Variants in TTC6 observed in about 807,000 individuals in gnomAD.
TTC6 encodes the protein tetratricopeptide repeat domain 6.
TTC6 carries 172 observed loss-of-function variants against 210.4 expected under a neutral mutation model. The ratio of observed to expected loss-of-function variants is 0.82; its 90% CI spans 0.72 to 0.93. TTC6 has a LOEUF of 0.93. Ranked by LOEUF, TTC6 falls within the 40% of genes least tolerant of loss-of-function variation. The probability of loss-of-function intolerance (pLI) is 0.00; values close to 1 mark genes in which losing one functional copy is unlikely to be tolerated. For missense variants in TTC6, 2,414 were observed against 2,318.1 expected (o/e 1.04, Z -0.85); for synonymous variants, 804 against 819.6 (o/e 0.98, Z 0.32).
chr14:37,768,347 G>T (rs2096006144), intron 14 of TTC6, among the ~76,000 whole-genome samples: 1 of 151,568 alleles, frequency 6.6e-6, no homozygotes, highest in African/African-American at 2.4e-5. Context: ...GAAAGTCATT[G>T]GTAGCTTGAT....
chr14:37,734,369 C>G (rs1185272121), intron 7 of TTC6, among the ~76,000 whole-genome samples: 1 of 152,056 alleles, frequency 6.6e-6, no homozygotes, highest in Non-Finnish European at 1.5e-5. Context: ...CACCCTTGCC[C>G]CAAGAAATTG....
intron 2 of TTC6, among the ~76,000 whole-genome samples, chr14:37,615,558 T>G (rs914902437): frequency 3.3e-5 from 5 of 152,108 alleles, no homozygotes; most frequent in Admixed American, 6.5e-5. Flanking sequence ...TCCATTTTCC[T>G]AATCAAATTT....
chr14:37,729,904 T>C (rs1308286071), intron 7 of TTC6, among the ~76,000 whole-genome samples: 4 of 152,156 alleles, frequency 2.6e-5, no homozygotes, highest in South Asian at 2.1e-4. Context: ...AAAATTGTTT[T>C]AAAAGAAGTG....
chr14:37,727,366 T>C (rs563642580), intron 7 of TTC6, among the ~76,000 whole-genome samples: 4 of 146,542 alleles, frequency 2.7e-5, no homozygotes, highest in African/African-American at 7.4e-5. Flanking sequence ...CGATCTTGGC[T>C]CACTGCAACC....
chr14:37,779,982 C>A (rs2096049644), intron 14 of TTC6, among the ~76,000 whole-genome samples: 1 of 151,904 alleles, frequency 6.6e-6, no homozygotes, highest in Non-Finnish European at 1.5e-5. Context: ...AAATAAGAGC[C>A]CAGGTGTGAG....
At chr14:37,767,252 G>A (rs1188444751) in intron 14 of TTC6, among the ~76,000 whole-genome samples, 3 of 152,240 alleles carry the variant, frequency 2.0e-5, no homozygotes, top group Non-Finnish European at 4.4e-5. Context: ...TAATGCCGCA[G>A]TAAACATACG....
intron 20 of TTC6, among the ~76,000 whole-genome samples, chr14:37,797,620 A>G (rs1385606689): frequency 6.6e-6 from 1 of 151,850 alleles, no homozygotes; most frequent in Non-Finnish European, 1.5e-5. Flanking sequence ...CTGATGAACA[A>G]AACTTCTAAA....
intron 10 of TTC6, among the ~76,000 whole-genome samples, 169 bp from the exon 13 acceptor site, chr14:37,748,770 C>T (rs1470973419): frequency 6.6e-6 from 1 of 152,138 alleles, no homozygotes; most frequent in Admixed American, 6.5e-5. Context: ...GGAGATTCTT[C>T]ATACAGTGTT....
chr14:37,678,593 T>C, intron 1 of TTC6, among the ~76,000 whole-genome samples: 1 of 152,212 alleles, frequency 6.6e-6, no homozygotes. Context: ...AGTAAGATAC[T>C]TGGGCTCTGT....
intron 14 of TTC6, among the ~76,000 whole-genome samples, chr14:37,781,375 AC>A (rs1218018019): frequency 6.6e-6 from 1 of 152,142 alleles, no homozygotes; most frequent in African/African-American, 2.4e-5. Flanking sequence ...TTCTCTAATG[AC>A]CAGTGATGAT....
intron 2 of TTC6, among the ~76,000 whole-genome samples, chr14:37,613,499 G>T (rs73263314): frequency 0.056 from 8,475 of 151,982 alleles, 795 homozygotes; most frequent in African/African-American, 0.19. Context: ...GGTTATGTAG[G>T]TATCATAAAA....
chr14:37,841,449 G>C (rs1417938466), exon 30 of TTC6: 2 of 1,587,002 alleles, frequency 1.3e-6, no homozygotes. Flanking sequence ...TTGTAGGCCA[G>C]TGACTACTTC....
At chr14:37,782,988 A>G (rs1031539738) in intron 14 of TTC6, among the ~76,000 whole-genome samples, 1 of 152,176 alleles carries the variant, frequency 6.6e-6, no homozygotes, top group Non-Finnish European at 1.5e-5. Flanking sequence ...CCACTTGAAC[A>G]TGGTGGATAA....
At chr14:37,627,325 T>C (rs541165157) in intron 1 of TTC6, among the ~76,000 whole-genome samples, 2 of 152,218 alleles carry the variant, frequency 1.3e-5, no homozygotes, top group African/African-American at 4.8e-5. Context: ...TTATTTTTAT[T>C]ATTATACTTT....
chr14:37,608,843 T>C (rs1175763877), intron 2 of TTC6, among the ~76,000 whole-genome samples: 1 of 152,132 alleles, frequency 6.6e-6, no homozygotes, highest in Non-Finnish European at 1.5e-5. Flanking sequence ...TCACTCATAC[T>C]GTAGTGAACT....
chr14:37,622,457 G>C (rs759222337), exon 1 of TTC6: 18 of 1,535,020 alleles, frequency 1.2e-5, no homozygotes, highest in Middle Eastern at 1.7e-4. Context: ...TACGGCACCA[G>C]GCCCTGAAAA....
At position 37,779,828 on chromosome 14, in the gene TTC6, T is replaced by G. The variant is rs561400822; in HGVS notation, c.3267-7640T>G. Reference sequence around the variant, plus strand: ...AATTGAAGGTATTATTAGGTGGTGGTGTCTCAGGGGGCCTCATATGCCATT... The same window carrying G: ...AATTGAAGGTATTATTAGGTGGTGGGGTCTCAGGGGGCCTCATATGCCATT... On this transcript the variant is annotated intron_variant, in intron 14 of 30. Coordinates refer to ENST00000553443, the Ensembl canonical transcript of TTC6. Among the ~76,000 whole-genome samples, 6 of 152,300 alleles carry G rather than the reference T, an allele frequency of 3.9e-5. No homozygotes were observed. The East Asian group carries it at 9.6e-4, about 24-fold the overall frequency.
intron 1 of TTC6, among the ~76,000 whole-genome samples, chr14:37,668,519 CAG>C (rs2095752513): frequency 7.3e-6 from 1 of 137,374 alleles, no homozygotes; most frequent in Admixed American, 7.0e-5. Context: ...CTCATAGTAA[CAG>C]AAGAAGTTCA....
At chr14:37,787,210 A>G (rs371314918) in intron 14 of TTC6, among the ~76,000 whole-genome samples, 12 of 152,346 alleles carry the variant, frequency 7.9e-5, no homozygotes, top group African/African-American at 2.4e-4. Flanking sequence ...GATAAATGTA[A>G]GAAATAAAAT....
Sources: gnomAD v4.1 joint callset for allele counts (sites outside exome capture counted in the v4.1 genomes callset) on GRCh38, gnomAD v4.1.1 for gene constraint, MANE v1.5 for transcripts, NCBI Gene and HGNC (gene_info 2026-07-23, HGNC 2026-07-21) for gene names.